The following TTLL9 variants were observed in gnomAD, a reference collection of about 807,000 sequenced individuals.
The protein encoded by TTLL9 is tubulin tyrosine ligase like 9, also known as probable tubulin polyglutamylase TTLL9.
In TTLL9, 47 loss-of-function variants were observed where a neutral mutation model predicts 65.6. The observed-to-expected ratio is 0.72, with a 90% CI of 0.57 to 0.91. The LOEUF (loss-of-function observed/expected upper bound fraction) is 0.91. Among genes scored for constraint, TTLL9 ranks in the 40% least tolerant of loss-of-function variants. The pLI is 0.00. For synonymous variants in TTLL9, 179 were observed against 204.8 expected, an observed-to-expected ratio of 0.87 and a Z score of 1.07; for missense variants, 537 against 568.8, an observed-to-expected ratio of 0.94 and a Z score of 0.57.
chr20:31,922,516 C>T (rs1405830231), intron 7 of TTLL9, among the ~76,000 whole-genome samples: 3 of 152,202 alleles, frequency 2.0e-5, no homozygotes, highest in Admixed American at 1.3e-4. Flanking sequence ...CTTGACTACT[C>T]CAGGGACTCA....
intron 3 of TTLL9, among the ~76,000 whole-genome samples, chr20:31,892,660 C>T (rs994489817): frequency 6.6e-6 from 1 of 152,266 alleles, no homozygotes; most frequent in African/African-American, 2.4e-5. Flanking sequence ...TCTAGCCTCA[C>T]AAAGATAGTA....
rs1363024408 is a variant in TTLL9 at position 31,890,058 on chromosome 20, C to CTCTT, written c.113+2828_113+2831dup. Among the ~76,000 whole-genome samples, 335 of 108,360 alleles carry CTCTT rather than the reference C, an allele frequency of 3.1e-3. 10 individuals are homozygous for CTCTT. The highest frequency in any genetic ancestry group is 0.013 in the African/African-American group (310 of 24,736). 71.1% of individuals were successfully genotyped at this position (108,360 alleles called of 152,430 possible). The stretch of plus-strand genomic sequence containing the variant: ...TCCTTCCTTCCTTCTTTCTTTCTTT[C>CTCTT]TCTTTCTTTCTTGCTTTCTTGCTTT... On this transcript the variant is annotated intron_variant, in intron 3 of 14. Transcript: ENST00000535842.
At chr20:31,882,298 T>C (rs1175222759) in intron 2 of TTLL9, among the ~76,000 whole-genome samples, 1 of 152,132 alleles carries the variant, frequency 6.6e-6, no homozygotes, top group Non-Finnish European at 1.5e-5. Context: ...AAGCTGGGAT[T>C]AGTGGAACCA....
intron 2 of TTLL9, among the ~76,000 whole-genome samples, chr20:31,885,013 A>G (rs2063168257): frequency 6.6e-6 from 1 of 152,216 alleles, no homozygotes; most frequent in African/African-American, 2.4e-5. Flanking sequence ...AAAAATGTAC[A>G]AGGCTGCTAT....
chr20:31,920,495 A>G (rs1281136374), intron 7 of TTLL9, among the ~76,000 whole-genome samples: 5 of 152,152 alleles, frequency 3.3e-5, no homozygotes, highest in African/African-American at 9.7e-5. Flanking sequence ...GTCTTGGGAA[A>G]ATGACCGAAG....
intron 3 of TTLL9, among the ~76,000 whole-genome samples, chr20:31,894,744 CAT>C (rs1356841303): frequency 2.5e-4 from 37 of 148,026 alleles, no homozygotes; most frequent in Non-Finnish European, 4.2e-4. Context: ...CACACACACA[CAT>C]ACGTACACAC....
At chr20:31,932,251 C>T (rs970460534) in intron 10 of TTLL9, among the ~76,000 whole-genome samples, 3 of 151,994 alleles carry the variant, frequency 2.0e-5, no homozygotes, top group Non-Finnish European at 2.9e-5. Context: ...GCAGGTGGAT[C>T]GCCTGAGGTC....
At position 31,939,281 on chromosome 20, in the gene TTLL9, G is replaced by A; in HGVS notation, c.1243+15G>A. 2 of 1,613,124 alleles carry A rather than the reference G, an allele frequency of 1.2e-6. No homozygotes were observed. Among genetic ancestry groups the A allele is most frequent in the Non-Finnish European group, 1.7e-6 (2 of 1,179,716 alleles). On this transcript the variant is annotated intron_variant, in intron 14 of 14. Coordinates refer to ENST00000535842, the MANE Select transcript of TTLL9 (RefSeq NM_001008409.5). ...CACACATCTCGGTATGTAGGGCCAGGTGGGGAGTGGGCACAAGGGATGGGG... is the reference window on the plus strand; with the variant it reads ...CACACATCTCGGTATGTAGGGCCAGATGGGGAGTGGGCACAAGGGATGGGG...
Position 31,934,713 on chromosome 20 carries a change from C to A in TTLL9, c.829C>A (p.Arg277Ser). ...PKKGCKWTLQ[R>S]FRQYLASKHG... ...CCAGGGCTGCAAGTGGACGCTGCAGCGCTTCCGGCAGTACCTGGCGTCCAA... is the reference window on the plus strand; with the variant it reads ...CCAGGGCTGCAAGTGGACGCTGCAGAGCTTCCGGCAGTACCTGGCGTCCAA... The change falls in exon 12 of 15, where the codon CGC becomes AGC. Residue 277 changes from arginine to serine, a missense_variant. Physicochemically the swap from Arg to Ser is moderately radical, Grantham distance 110. Around this residue, in one of 3 missense-constraint regions of TTLL9, gnomAD observed 205 missense variants for 225.9 expected, o/e 0.91. Transcript: ENST00000535842. 2 of 1,611,514 alleles carry A rather than the reference C, an allele frequency of 1.2e-6. No individual in the cohort carries two copies. The highest frequency in any genetic ancestry group is 2.2e-5 in the South Asian group (2 of 90,900).
intron 6 of TTLL9, among the ~76,000 whole-genome samples, chr20:31,911,931 G>T (rs1054748842): frequency 1.3e-5 from 2 of 151,680 alleles, no homozygotes; most frequent in Non-Finnish European, 2.9e-5. Context: ...GCGCTTCTGT[G>T]CTTCTAGTCA....
intron 4 of TTLL9, among the ~76,000 whole-genome samples, chr20:31,904,646 C>A (rs1233381103): frequency 6.6e-6 from 1 of 152,164 alleles, no homozygotes; most frequent in Non-Finnish European, 1.5e-5. Flanking sequence ...GCTTGAGCCA[C>A]CGTGCCTGGC....
intron 2 of TTLL9, among the ~76,000 whole-genome samples, chr20:31,878,932 C>T (rs978457591): frequency 1.3e-5 from 2 of 152,144 alleles, no homozygotes; most frequent in Non-Finnish European, 2.9e-5. Context: ...AATGCATATA[C>T]TCATGTAACC....
intron 5 of TTLL9, among the ~76,000 whole-genome samples, 162 bp from the exon 6 acceptor site, chr20:31,909,575 T>C (rs1408346543): frequency 6.6e-6 from 1 of 152,164 alleles, no homozygotes; most frequent in Non-Finnish European, 1.5e-5. Flanking sequence ...GTGGGGATAA[T>C]TCTTGACTAG....
At chr20:31,879,636 A>AG in intron 2 of TTLL9, 2 of 563,586 alleles carry the variant, frequency 3.5e-6, no homozygotes, top group Non-Finnish European at 6.3e-6. Context: ...GAACTGCCCC[A>AG]GGGTCGCGGA....
At chr20:31,940,846 C>A (rs991423620) in intron 14 of TTLL9, 1 of 152,156 alleles carries the variant, frequency 6.6e-6, no homozygotes, top group Non-Finnish European at 1.5e-5. Flanking sequence ...TTTTGCGGCC[C>A]GGACTCAGAA....
At chr20:31,895,791 C>T (rs2063375649) in intron 3 of TTLL9, among the ~76,000 whole-genome samples, 2 of 151,562 alleles carry the variant, frequency 1.3e-5, no homozygotes, top group Non-Finnish European at 2.9e-5. Context: ...CCTCTGCCTT[C>T]TGGAACAGTA....
intron 3 of TTLL9, among the ~76,000 whole-genome samples, chr20:31,898,265 A>G (rs943702067): frequency 2.0e-5 from 3 of 152,288 alleles, no homozygotes; most frequent in South Asian, 4.1e-4. Context: ...CTTGGATACA[A>G]TGATCGTTAT....
chr20:31,890,887 G>A (rs2063299679), intron 3 of TTLL9, among the ~76,000 whole-genome samples: 1 of 152,248 alleles, frequency 6.6e-6, no homozygotes, highest in African/African-American at 2.4e-5. Context: ...CCCTCAGGTA[G>A]CATCGAAGGT....
chr20:31,884,076 T>C, intron 2 of TTLL9: 1 of 555,140 alleles, frequency 1.8e-6, no homozygotes, highest in Non-Finnish European at 3.3e-6. Context: ...CCAGAACTAA[T>C]CATTCAGCAA....
Sources: gnomAD v4.1 joint callset for allele counts (sites outside exome capture counted in the v4.1 genomes callset) on GRCh38, gnomAD v4.1.1 for gene constraint, gnomAD v4.1.1 regional missense constraint, MANE v1.5 for transcripts, NCBI Gene and HGNC (gene_info 2026-07-23, HGNC 2026-07-21) for gene names.